TECPR2: variants seen among roughly 807,000 people sequenced by gnomAD.
The protein encoded by TECPR2 is tectonin beta-propeller repeat containing 2.
TECPR2 carries 65 observed loss-of-function variants against 138.1 expected under a neutral mutation model. That is an observed-to-expected ratio of 0.47 (90% CI 0.39 to 0.58). The LOEUF (loss-of-function observed/expected upper bound fraction) is 0.58. TECPR2 is among the 20% of genes least tolerant of loss of function. TECPR2 has a pLI of 0.00. For missense variants in TECPR2, 1,553 were observed against 1,824.5 expected (o/e 0.85, Z 2.71); for synonymous variants, 746 against 749.8 (o/e 0.99, Z 0.08).
chr14:102,389,439 G>A (rs1360618086), intron 2 of TECPR2, among the ~76,000 whole-genome samples: 1 of 152,166 alleles, frequency 6.6e-6, no homozygotes, highest in Non-Finnish European at 1.5e-5. Flanking sequence ...GTTGCTATTA[G>A]GTAACAAAAC....
In TECPR2 at chr14:102,445,826, C is replaced by G; in HGVS notation, c.2954C>G (p.Pro985Arg). 6.2e-7 allele frequency: 1 copy of G among 1,613,908 alleles called. No individual in the cohort carries two copies. The highest frequency in any genetic ancestry group is 8.5e-7 in the Non-Finnish European group (1 of 1,179,966). Residue 985 changes from proline (P) to arginine (R), a missense_variant, in exon 13 of 20, where the codon CCC becomes CGC. Coordinates refer to ENST00000359520, the MANE Select transcript of TECPR2 (RefSeq NM_014844.5). ...TTCAGCGAAAGGCAAGCTTTAGAAC[C>G]CGTCTGCATAACGCTCGGGGATCAG... is the stretch of plus-strand genomic sequence containing the variant. ...DIVSERQALE[P>R]VCITLGDQQT...
At chr14:102,397,219 A>C (rs1455694038) in intron 2 of TECPR2, among the ~76,000 whole-genome samples, 1 of 152,176 alleles carries the variant, frequency 6.6e-6, no homozygotes. Context: ...ACACATCCAC[A>C]CACAGAATAA....
rs1320362673 is a variant in TECPR2, at chr14:102,388,373, A to G, written c.219+11433A>G. Among the ~76,000 whole-genome samples, 7 of 152,342 alleles carry G rather than the reference A, an allele frequency of 4.6e-5. No homozygotes were observed. In the East Asian group the frequency reaches 1.2e-3, roughly 25 times the overall value. ...ATTTACCTGAGTTCAACTGAATTCC[A>G]ATAGGTTTTTTTTTAGTGTTAATTT... is the stretch of plus-strand genomic sequence containing the variant. On this transcript the variant is annotated intron_variant, in intron 2 of 19. Coordinates refer to ENST00000359520, the MANE Select transcript of TECPR2 (RefSeq NM_014844.5).
At chr14:102,367,994 C>CTTTTTTTTT (rs56325877) in intron 1 of TECPR2, among the ~76,000 whole-genome samples, 1 of 65,836 alleles carries the variant, frequency 1.5e-5, no homozygotes, top group Non-Finnish European at 2.7e-5. Context: ...GCTTATTGGC[C>CTTTTTTTTT]TTTTTTTTTT....
chr14:102,364,419 A>G (rs1161589355), intron 1 of TECPR2, among the ~76,000 whole-genome samples: 1 of 152,160 alleles, frequency 6.6e-6, no homozygotes, highest in African/African-American at 2.4e-5. Context: ...GGCTCTAGGG[A>G]TGCTGTGGTG....
intron 2 of TECPR2, among the ~76,000 whole-genome samples, chr14:102,405,286 G>A (rs1402835801): frequency 6.6e-6 from 1 of 152,098 alleles, no homozygotes; most frequent in Non-Finnish European, 1.5e-5. Context: ...TCCAGCCTGG[G>A]CAACAGAGCG....
intron 12 of TECPR2, among the ~76,000 whole-genome samples, chr14:102,445,125 A>G (rs1889937440): frequency 6.6e-6 from 1 of 152,222 alleles, no homozygotes. Context: ...TGGAGCATGC[A>G]GCACTGAGGG....
At chr14:102,387,718 G>T (rs1036743238) in intron 2 of TECPR2, among the ~76,000 whole-genome samples, 2 of 152,066 alleles carry the variant, frequency 1.3e-5, no homozygotes, top group African/African-American at 4.8e-5. Flanking sequence ...AATAGAGACA[G>T]GGTTTCACTG....
chr14:102,421,937 G>C (rs1001679282), intron 5 of TECPR2, among the ~76,000 whole-genome samples: 2 of 152,174 alleles, frequency 1.3e-5, no homozygotes, highest in Non-Finnish European at 1.5e-5. Flanking sequence ...TTTGGGAGAA[G>C]GAATCAGCCA....
rs1195249638 is a variant in TECPR2 at position 102,414,751 on chromosome 14, A to G, written c.596A>G (p.Glu199Gly). Reference sequence around the variant, plus strand: ...CAAAGAAGTCTGCTCTTTTACACTGAAGAAAAGTCTGTAAGGCAAATTGGA... The same window carrying G: ...CAAAGAAGTCTGCTCTTTTACACTGGAGAAAAGTCTGTAAGGCAAATTGGA... Reference protein sequence around the residue: ...TLQRSLLFYTEEKSVRQIGTQ... With the variant: ...TLQRSLLFYTGEKSVRQIGTQ... The change falls in exon 5 of 20, where the codon GAA becomes GGA. Residue 199 changes from glutamate to glycine, a missense_variant. Coordinates refer to ENST00000359520, the MANE Select transcript of TECPR2 (RefSeq NM_014844.5). 1 of 1,614,248 alleles carries G rather than the reference A, an allele frequency of 6.2e-7. No individual in the cohort carries two copies. The highest frequency in any genetic ancestry group is 2.2e-5 in the East Asian group (1 of 44,890).
In TECPR2 at chr14:102,390,458, T is replaced by A. The variant is rs531038551; in HGVS notation, c.219+13518T>A. On this transcript the variant is annotated intron_variant, in intron 2 of 19. Transcript: ENST00000359520. ...ATGAGATCAGAAATGGGCAAAGTTATCTTAAAGAGACAGAATGGCTCCCTG... is the reference window on the plus strand; with the variant it reads ...ATGAGATCAGAAATGGGCAAAGTTAACTTAAAGAGACAGAATGGCTCCCTG... Among the ~76,000 whole-genome samples, 4 of 152,266 alleles carry A rather than the reference T, an allele frequency of 2.6e-5. 1 individual carries two copies. Among genetic ancestry groups the A allele is most frequent in the African/African-American group, 9.6e-5 (4 of 41,570 alleles).
intron 17 of TECPR2, among the ~76,000 whole-genome samples, chr14:102,466,331 T>C (rs1890550237): frequency 1.3e-5 from 2 of 152,196 alleles, no homozygotes; most frequent in South Asian, 2.1e-4. Flanking sequence ...GGGGATGATA[T>C]TGTCTATGAC....
At chr14:102,472,039 A>G (rs958441782) in intron 17 of TECPR2, among the ~76,000 whole-genome samples, 2 of 152,222 alleles carry the variant, frequency 1.3e-5, no homozygotes, top group Admixed American at 1.3e-4. Context: ...GCTGAGTGCA[A>G]GAGCGAGATT....
At chr14:102,392,595 G>A (rs967892956) in intron 2 of TECPR2, among the ~76,000 whole-genome samples, 1 of 151,882 alleles carries the variant, frequency 6.6e-6, no homozygotes, top group Non-Finnish European at 1.5e-5. Context: ...TATGTTCTGT[G>A]TTCTTCAATC....
intron 2 of TECPR2, among the ~76,000 whole-genome samples, chr14:102,382,716 G>GT (rs1267864906): frequency 1.3e-5 from 2 of 151,726 alleles, no homozygotes; most frequent in African/African-American, 4.8e-5. Flanking sequence ...GTTTTACTTT[G>GT]TTTTTTCACT....
In TECPR2 at chr14:102,438,023, T is replaced by C. The variant is rs778775420; in HGVS notation, c.2396T>C (p.Phe799Ser). 13 of 1,613,202 alleles carry C rather than the reference T, an allele frequency of 8.1e-6. No individual in the cohort carries two copies. The highest frequency in any genetic ancestry group is 3.3e-5 in the South Asian group (3 of 90,998). Reference protein sequence around the residue: ...EDAGLLKPDQFAESWMGYSGP... With the variant: ...EDAGLLKPDQSAESWMGYSGP... ...ACTCACTGGCTCTTCCCTTGTTAGT[T>C]TGCAGAAAGCTGGATGGGCTACTCG... Residue 799 changes from phenylalanine (F) to serine (S), a missense_variant and splice_region_variant, in exon 10 of 20, where the codon TTT becomes TCT. Phe to Ser is a radical substitution (Grantham distance 155). Transcript: ENST00000359520.
intron 12 of TECPR2, among the ~76,000 whole-genome samples, chr14:102,444,480 A>T (rs1472705551): frequency 6.6e-6 from 1 of 151,836 alleles, no homozygotes; most frequent in Non-Finnish European, 1.5e-5. Flanking sequence ...GATTACAGAC[A>T]TGAGCCACTA....
intron 7 of TECPR2, among the ~76,000 whole-genome samples, chr14:102,428,911 G>A (rs1036052604): frequency 6.6e-6 from 1 of 150,600 alleles, no homozygotes; most frequent in Admixed American, 6.6e-5. Flanking sequence ...GCAATGAGGC[G>A]ATCTCAGCTC....
rs777795045 is a variant in TECPR2 at position 102,419,237 on chromosome 14, C to G, written c.638+4444C>G. ...GGGGGCTGAGGCAGCTTCGACGGGC[C>G]TGAGTCTGTAGCATGGAGGCTGTGC... On this transcript the variant is annotated intron_variant, in intron 5 of 19. Transcript: ENST00000359520. The surrounding 1 kb of genome is among the most constrained non-coding windows in gnomAD (Gnocchi z 4.8). Among the ~76,000 whole-genome samples the G allele has an allele frequency of 6.6e-6, 1 of 152,020 alleles. No individual in the cohort carries two copies. The highest frequency in any genetic ancestry group is 2.4e-5 in the African/African-American group (1 of 41,372).
Sources: allele counts gnomAD v4.1 joint callset (sites outside exome capture counted in the v4.1 genomes callset), GRCh38; gene constraint gnomAD v4.1.1; non-coding constraint Gnocchi (gnomAD v3.1); transcripts MANE v1.5; gene names NCBI Gene and HGNC (gene_info 2026-07-23, HGNC 2026-07-21).